CNTNAP3B: variants seen among roughly 807,000 people sequenced by gnomAD.
CNTNAP3B encodes the protein contactin-associated protein-like 3B.
A neutral mutation model predicts 108.9 loss-of-function variants in CNTNAP3B; 25 were observed. The observed-to-expected ratio is 0.23, with a 90% confidence interval of 0.17 to 0.32. The LOEUF (loss-of-function observed/expected upper bound fraction) is 0.32, where lower values mean the gene tolerates loss of function less well. CNTNAP3B is among the 10% of genes least tolerant of loss of function. The pLI is 1.00. For synonymous variants in CNTNAP3B, 103 were observed against 473.4 expected (o/e 0.22, Z 10.16); for missense variants, 252 against 1,210.4 (o/e 0.21, Z 11.75).
chr9:41,935,855 C>T (rs991225676), intron 14 of CNTNAP3B, among the ~76,000 whole-genome samples: 25 of 152,276 alleles, frequency 1.6e-4, no homozygotes, highest in Non-Finnish European at 2.6e-4. Flanking sequence ...TCTGTCACAC[C>T]AGTGCAGTCC....
Position 41,943,855 on chromosome 9 carries a change from G to A in CNTNAP3B, c.2081-5455C>T, listed in dbSNP as rs200951449. Reference sequence around the variant, plus strand: ...TTAAATACAAAAAAAACCACACCTAGGCATCTCATATTCAAATTGCAAAAA... The same window carrying A: ...TTAAATACAAAAAAAACCACACCTAAGCATCTCATATTCAAATTGCAAAAA... On this transcript the variant is annotated intron_variant, in intron 13 of 23. Transcript: ENST00000377561. Among the ~76,000 whole-genome samples the A allele has an allele frequency of 1.8e-4, 28 of 152,380 alleles. No homozygotes were observed. The East Asian group carries it at 2.1e-3, about 12-fold the overall frequency.
rs1167589988 is a variant in CNTNAP3B at position 41,995,730 on chromosome 9, CAAAAAA to C, written c.1071+469_1071+474del. Among the ~76,000 whole-genome samples, 14 of 66,400 alleles carry C rather than the reference CAAAAAA, an allele frequency of 2.1e-4. 1 individual carries two copies. In the East Asian group the frequency reaches 3.8e-3, roughly 18 times the overall value. The allele number at this position is 66,400 out of a possible 152,430, so 43.6% of individuals were successfully genotyped here. On this transcript the variant is annotated intron_variant, in intron 7 of 23. Coordinates refer to ENST00000377561, the MANE Select transcript of CNTNAP3B (RefSeq NM_001201380.3). The stretch of plus-strand genomic sequence containing the variant: ...TGGGTGACAGAGTGAGACTCCGTCT[CAAAAAA>C]AAAAAAAAAAAAAAATTGGCCAGGC...
chr9:42,103,490 G>A (rs1259894752), intron 2 of CNTNAP3B, among the ~76,000 whole-genome samples: 1 of 122,906 alleles, frequency 8.1e-6, no homozygotes, highest in African/African-American at 3.5e-5. Context: ...TCAGGAGGCT[G>A]AGGTGGGTGG....
chr9:41,935,627 C>G (rs1287978451), intron 14 of CNTNAP3B, among the ~76,000 whole-genome samples: 1 of 152,202 alleles, frequency 6.6e-6, no homozygotes, highest in Non-Finnish European at 1.5e-5. Context: ...CCATACACAC[C>G]CCCACATTTA....
chr9:41,986,498 T>C (rs1315704696), intron 8 of CNTNAP3B, among the ~76,000 whole-genome samples, 187 bp from the exon 9 acceptor site: 4 of 143,248 alleles, frequency 2.8e-5, no homozygotes, highest in Admixed American at 7.0e-5. Context: ...AAATAACACA[T>C]GAATAAAAAT....
intron 1 of CNTNAP3B, among the ~76,000 whole-genome samples, chr9:42,116,639 C>T (rs1232811867): frequency 7.2e-6 from 1 of 139,578 alleles, no homozygotes; most frequent in African/African-American, 2.8e-5. Context: ...AACCAGTTAA[C>T]ATCATAATGA....
intron 2 of CNTNAP3B, among the ~76,000 whole-genome samples, chr9:42,085,352 C>G (rs1279888036): frequency 1.4e-5 from 2 of 143,432 alleles, no homozygotes; most frequent in African/African-American, 5.3e-5. Flanking sequence ...AATGACTTCA[C>G]TACCACGACA....
At chr9:42,118,299 A>C (rs1275288069) in intron 1 of CNTNAP3B, among the ~76,000 whole-genome samples, 1 of 139,338 alleles carries the variant, frequency 7.2e-6, no homozygotes, top group Non-Finnish European at 1.5e-5. Context: ...CAAACTGAAT[A>C]CAGCAACACA....
intron 12 of CNTNAP3B, among the ~76,000 whole-genome samples, chr9:41,956,387 AAAT>A (rs1187447069): frequency 6.6e-5 from 10 of 152,108 alleles, no homozygotes; most frequent in Non-Finnish European, 1.5e-4. Context: ...CTCTGTCTCA[AAAT>A]AATAATAATA....
chr9:41,953,444 G>A lies in CNTNAP3B; in HGVS notation c.1877-58C>T, dbSNP rs191759134. On this transcript the variant is annotated intron_variant, in intron 12 of 23. Coordinates refer to ENST00000377561, the MANE Select transcript of CNTNAP3B (RefSeq NM_001201380.3). ...TGGGCGGCAGACGCCAGCAGCAAGA[G>A]GCAAAGCAGACCTTTTATGTGAATT... The A allele has an allele frequency of 2.2e-4, 340 of 1,514,752 alleles. No homozygotes were observed. In the East Asian group the frequency reaches 6.9e-3, roughly 31 times the overall value. The allele number at this position is 1,514,752 out of a possible 1,614,324, so 93.8% of individuals were successfully genotyped here. A position where few individuals can be genotyped will look rare whatever the true frequency, so the allele number is the denominator to read the frequency against.
chr9:42,117,805 G>A lies in CNTNAP3B; in HGVS notation c.85+11205C>T, dbSNP rs532496100. Among the ~76,000 whole-genome samples, 3 of 137,862 alleles carry A rather than the reference G, an allele frequency of 2.2e-5. 1 individual carries two copies. Among genetic ancestry groups the A allele is most frequent in the South Asian group, 2.3e-4 (1 of 4,282 alleles). 90.4% of individuals were successfully genotyped at this position (137,862 alleles called of 152,430 possible). ...CAAGACTAATAAAGAAGAAAAGAGA[G>A]AAGAATCAAATAGAAACAATAAAAA... On this transcript the variant is annotated intron_variant, in intron 1 of 23. Coordinates refer to ENST00000377561, the MANE Select transcript of CNTNAP3B (RefSeq NM_001201380.3).
chr9:41,916,040 C>T, intron 18 of CNTNAP3B, among the ~76,000 whole-genome samples: 1 of 151,586 alleles, frequency 6.6e-6, no homozygotes, highest in African/African-American at 2.4e-5. Context: ...GCATACCAAA[C>T]CCATTATTAT....
intron 3 of CNTNAP3B, among the ~76,000 whole-genome samples, chr9:42,061,113 A>T: frequency 1.2e-5 from 1 of 86,532 alleles, no homozygotes; most frequent in Non-Finnish European, 2.3e-5. Flanking sequence ...TGTTTATTTG[A>T]TATCATTCTT....
intron 3 of CNTNAP3B, among the ~76,000 whole-genome samples, chr9:42,035,661 T>G (rs1379208654): frequency 6.6e-6 from 1 of 150,568 alleles, no homozygotes; most frequent in Non-Finnish European, 1.5e-5. Flanking sequence ...TACTTACATA[T>G]TTTTTATTGT....
rs56816783 is a variant in CNTNAP3B at position 42,034,186 on chromosome 9, G to GTATCTATCTATC, written c.391-20673_391-20662dup. On this transcript the variant is annotated intron_variant, in intron 3 of 23. Transcript: ENST00000377561. ...TATCTATATGTATGTATGTATATAT[G>GTATCTATCTATC]TATCTATCTATCTATCTATCTATCT... Among the ~76,000 whole-genome samples the GTATCTATCTATC allele has an allele frequency of 5.7e-3, 703 of 124,366 alleles. 89 individuals are homozygous for GTATCTATCTATC. The highest frequency in any genetic ancestry group is 0.038 in the South Asian group (144 of 3,822). The allele number at this position is 124,366 out of a possible 152,430, so 81.6% of individuals were successfully genotyped here. A position where few individuals can be genotyped will look rare whatever the true frequency, so the allele number is the denominator to read the frequency against.
Position 42,124,140 on chromosome 9 carries a change from T to A in CNTNAP3B, c.85+4870A>T, listed in dbSNP as rs1471787424. Among the ~76,000 whole-genome samples the A allele has an allele frequency of 5.1e-5, 7 of 138,610 alleles. 3 individuals carry two copies. Among genetic ancestry groups the A allele is most frequent in the African/African-American group, 2.0e-4 (7 of 34,830 alleles). 90.9% of individuals were successfully genotyped at this position (138,610 alleles called of 152,430 possible). ...TACTTAAATCACAATCCTGTAGTTA[T>A]AAGGTTAAAACTATTTTAAAATCTC... On this transcript the variant is annotated intron_variant, in intron 1 of 23. Transcript: ENST00000377561.
rs963577931 is a variant in CNTNAP3B, at chr9:42,106,444, C to CA, written c.86-1706dup. Among the ~76,000 whole-genome samples the CA allele has an allele frequency of 1.4e-3, 161 of 111,228 alleles. 15 individuals carry two copies. Among genetic ancestry groups the CA allele is most frequent in the Non-Finnish European group, 2.6e-4 (14 of 54,344 alleles). The allele number at this position is 111,228 out of a possible 152,430, so 73.0% of individuals were successfully genotyped here. ...CATTTAACATCTTTAGCATGAAGAG[C>CA]ACCCAATATTTTTACACAGCAAGAA... On this transcript the variant is annotated intron_variant, in intron 1 of 23. Transcript: ENST00000377561.
intron 18 of CNTNAP3B, among the ~76,000 whole-genome samples, chr9:41,916,359 G>T (rs1411552954): frequency 2.0e-5 from 3 of 147,248 alleles, no homozygotes; most frequent in East Asian, 2.0e-4. Flanking sequence ...CACTGAAAAG[G>T]GTAAGAAATA....
chr9:41,927,712 G>T (rs1823859589), intron 15 of CNTNAP3B, among the ~76,000 whole-genome samples: 1 of 152,136 alleles, frequency 6.6e-6, no homozygotes, highest in East Asian at 1.9e-4. Context: ...CAGAAAAGAT[G>T]ATTTTTAAGG....
Sources: gnomAD v4.1 joint callset for allele counts (sites outside exome capture counted in the v4.1 genomes callset) on GRCh38, gnomAD v4.1.1 for gene constraint, MANE v1.5 for transcripts, NCBI Gene and HGNC (gene_info 2026-07-23, HGNC 2026-07-21) for gene names.